The following LYPD6 variants were observed in gnomAD, a reference collection of about 807,000 sequenced individuals.
LYPD6 encodes the protein LY6/PLAUR domain containing 6.
A neutral mutation model predicts 22.7 loss-of-function variants in LYPD6; 15 were observed. That is an observed-to-expected ratio of 0.66 (90% CI 0.44 to 1.02). The LOEUF (loss-of-function observed/expected upper bound fraction) is 1.02, where lower values mean the gene tolerates loss of function less well. Among genes scored for constraint, LYPD6 ranks in the 50% least tolerant of loss-of-function variants. LYPD6 has a pLI of 0.00. For missense variants in LYPD6, 189 were observed against 208.4 expected (o/e 0.91, Z 0.57); for synonymous variants, 72 against 77.5 (o/e 0.93, Z 0.37).
chr2:149,370,700 A>G (rs961320711), intron 1 of LYPD6: 1 of 152,232 alleles, frequency 6.6e-6, no homozygotes, highest in Non-Finnish European at 1.5e-5. Flanking sequence ...GACTCGGACA[A>G]TTCCTAAGTA....
the LYPD6 span, among the ~76,000 whole-genome samples, chr2:149,483,757 T>G: frequency 2.0e-5 from 3 of 152,294 alleles, no homozygotes; most frequent in East Asian, 5.8e-4. Context: ...AATTATACAA[T>G]TATTATTTGT....
intron 1 of LYPD6, among the ~76,000 whole-genome samples, chr2:149,423,046 A>G (rs933228420): frequency 7.9e-5 from 12 of 152,054 alleles, no homozygotes; most frequent in African/African-American, 2.9e-4. Context: ...TCTGATCTTT[A>G]TAAAATGTAA....
At chr2:149,476,737 A>T (rs1681454057), downstream of LYPD6, among the ~76,000 whole-genome samples, 1 of 152,234 alleles carries the variant, frequency 6.6e-6, no homozygotes, top group Non-Finnish European at 1.5e-5. Context: ...CCATCTACAG[A>T]GGAGCGTGAC....
chr2:149,368,505 C>G (rs183964577), intron 1 of LYPD6, among the ~76,000 whole-genome samples: 77 of 152,142 alleles, frequency 5.1e-4, no homozygotes, highest in Non-Finnish European at 8.5e-4. Flanking sequence ...TGCACTCCAG[C>G]CTGGGTGACA....
intron 2 of LYPD6, among the ~76,000 whole-genome samples, 183 bp from the exon 3 acceptor site, chr2:149,448,866 A>C (rs186716254): frequency 4.6e-5 from 7 of 152,340 alleles, no homozygotes; most frequent in Admixed American, 2.0e-4. Context: ...ATGTATACAA[A>C]TGTTCATTTC....
the LYPD6 span, among the ~76,000 whole-genome samples, chr2:149,481,216 G>A: frequency 1 from 152,109 of 152,356 alleles, 75,931 homozygotes; most frequent in Middle Eastern, 1. Context: ...GCAATCTCAA[G>A]GCATCACAGC....
intron 1 of LYPD6, among the ~76,000 whole-genome samples, chr2:149,431,690 G>A (rs893022062): frequency 6.6e-6 from 1 of 152,094 alleles, no homozygotes; most frequent in Non-Finnish European, 1.5e-5. Flanking sequence ...ACTGTGCATT[G>A]TATGCATTTT....
At chr2:149,457,917 G>C (rs1681000675) in intron 3 of LYPD6, among the ~76,000 whole-genome samples, 1 of 152,150 alleles carries the variant, frequency 6.6e-6, no homozygotes, top group Non-Finnish European at 1.5e-5. Flanking sequence ...ATATATTCTA[G>C]ACTTGAAGCT....
intron 1 of LYPD6, among the ~76,000 whole-genome samples, chr2:149,399,271 C>A (rs1245245395): frequency 3.3e-5 from 5 of 151,970 alleles, no homozygotes; most frequent in South Asian, 2.1e-4. Flanking sequence ...CAATAGAAAT[C>A]AAAAATATTT....
At chr2:149,414,930 C>T (rs1207711048) in intron 1 of LYPD6, among the ~76,000 whole-genome samples, 1 of 152,102 alleles carries the variant, frequency 6.6e-6, no homozygotes, top group African/African-American at 2.4e-5. Context: ...CCTCCTGTTA[C>T]GTTTTGTTCA....
At chr2:149,348,782 G>C (rs1031248944) in intron 1 of LYPD6, among the ~76,000 whole-genome samples, 1 of 152,192 alleles carries the variant, frequency 6.6e-6, no homozygotes, top group Admixed American at 6.5e-5. Flanking sequence ...ACTGGTTACT[G>C]TGAGAATAAA....
At chr2:149,438,279 T>C (rs191354246) in intron 2 of LYPD6, among the ~76,000 whole-genome samples, 2 of 152,370 alleles carry the variant, frequency 1.3e-5, no homozygotes, top group Non-Finnish European at 2.9e-5. Context: ...GTTTCCTATA[T>C]TTAAGAATTA....
At chr2:149,383,255 A>C (rs1482350150) in intron 1 of LYPD6, among the ~76,000 whole-genome samples, 4 of 152,162 alleles carry the variant, frequency 2.6e-5, no homozygotes, top group Admixed American at 2.6e-4. Flanking sequence ...CTTGAGTTTT[A>C]ATAGGTCAGT....
chr2:149,400,427 G>A (rs1682527833), intron 1 of LYPD6, among the ~76,000 whole-genome samples: 1 of 152,352 alleles, frequency 6.6e-6, no homozygotes, highest in African/African-American at 2.4e-5. Context: ...CAGGGTGTGT[G>A]TGTGAGTGAA....
chr2:149,404,966 G>A (rs957957982), intron 1 of LYPD6, among the ~76,000 whole-genome samples: 1 of 152,192 alleles, frequency 6.6e-6, no homozygotes, highest in South Asian at 2.1e-4. Context: ...TTTGTCAAAG[G>A]CCTTTTCTGC....
chr2:149,434,089 G>A (rs1298012721), intron 1 of LYPD6, among the ~76,000 whole-genome samples: 1 of 152,020 alleles, frequency 6.6e-6, no homozygotes, highest in Non-Finnish European at 1.5e-5. Flanking sequence ...TCTATGTTAG[G>A]CACCATGGAG....
chr2:149,359,018 G>A (rs568223525), intron 1 of LYPD6, among the ~76,000 whole-genome samples: 2 of 151,932 alleles, frequency 1.3e-5, no homozygotes, highest in Admixed American at 6.6e-5. Context: ...ATATACTTAC[G>A]TCCTCCATCT....
rs1286892084 is a variant in LYPD6, at chr2:149,472,040, C to T, written c.*1190C>T. The T allele has an allele frequency of 6.6e-6, 1 of 152,366 alleles. No homozygotes were observed. Among genetic ancestry groups the T allele is most frequent in the African/African-American group, 2.4e-5 (1 of 41,420 alleles). The allele number at this position is 152,366 out of a possible 1,614,324, so 9.4% of individuals were successfully genotyped here. ...TTGAAGTAGATGGTAAAATTTTTGT[C>T]ATCCTTCTTGTATTTTTTGTACCCC... On this transcript the variant is annotated 3_prime_UTR_variant, in exon 5 of 5. Transcript: ENST00000334166.
chr2:149,406,175 A>AGGTGTGGTGT (rs975474976), intron 1 of LYPD6, among the ~76,000 whole-genome samples: 1 of 149,614 alleles, frequency 6.7e-6, no homozygotes, highest in African/African-American at 2.4e-5. Context: ...ATTTTGGAAT[A>AGGTGTGGTGT]GGTGTGGTGT....
Sources: gnomAD v4.1 joint callset for allele counts (sites outside exome capture counted in the v4.1 genomes callset) on GRCh38, gnomAD v4.1.1 for gene constraint, MANE v1.5 for transcripts, NCBI Gene and HGNC (gene_info 2026-07-23, HGNC 2026-07-21) for gene names.